Variants in HORMAD2 observed in about 807,000 individuals in gnomAD.
HORMAD2 encodes HORMA domain-containing protein 2.
HORMAD2 carries 45 observed loss-of-function variants against 38.8 expected under a neutral mutation model. That is an observed-to-expected ratio of 1.16 (90% CI 0.91 to 1.49). The LOEUF (loss-of-function observed/expected upper bound fraction) is 1.49, where lower values mean the gene tolerates loss of function less well. Among genes scored for constraint, HORMAD2 ranks in the 40% most tolerant of loss-of-function variants. HORMAD2 has a pLI of 0.00. For missense variants in HORMAD2, 338 were observed against 367.0 expected, an observed-to-expected ratio of 0.92 and a Z score of 0.65; for synonymous variants, 126 against 122.8, an observed-to-expected ratio of 1.03 and a Z score of -0.17.
At chr22:30,080,296 C>G (rs1268607953), upstream of HORMAD2, 1 of 152,414 alleles carries the variant, frequency 6.6e-6, no homozygotes, top group Non-Finnish European at 1.5e-5. Context: ...AGCCGCCGTT[C>G]GCCCCTGCTT....
At chr22:30,186,508 C>T in the HORMAD2 span, among the ~76,000 whole-genome samples, 2 of 152,084 alleles carry the variant, frequency 1.3e-5, no homozygotes, top group Non-Finnish European at 1.5e-5. Context: ...TTCTCACTTT[C>T]CACAATATTA....
intron 10 of HORMAD2, among the ~76,000 whole-genome samples, chr22:30,156,703 A>G (rs1925097647): frequency 6.6e-6 from 1 of 152,242 alleles, no homozygotes; most frequent in African/African-American, 2.4e-5. Context: ...TTTGCAAGGC[A>G]ATATCTACAT....
intron 7 of HORMAD2, among the ~76,000 whole-genome samples, chr22:30,112,801 A>G (rs955788827): frequency 6.6e-6 from 1 of 152,144 alleles, no homozygotes; most frequent in Non-Finnish European, 1.5e-5. Context: ...ATAAATGTAT[A>G]AAACCACATT....
chr22:30,159,648 A>T (rs1925321095), intron 10 of HORMAD2, among the ~76,000 whole-genome samples: 1 of 152,174 alleles, frequency 6.6e-6, no homozygotes, highest in African/African-American at 2.4e-5. Context: ...AATTCCAGGG[A>T]TACCTAAAAC....
At chr22:30,201,030 G>A in the HORMAD2 span, among the ~76,000 whole-genome samples, 2 of 152,220 alleles carry the variant, frequency 1.3e-5, no homozygotes, top group Non-Finnish European at 1.5e-5. Flanking sequence ...GATTATAGGC[G>A]TGAGCCACCA....
chr22:30,096,320 G>A (rs1030791081), intron 2 of HORMAD2, among the ~76,000 whole-genome samples: 5 of 152,078 alleles, frequency 3.3e-5, no homozygotes, highest in African/African-American at 7.2e-5. Context: ...TAAGTCATAG[G>A]ATATGTGTAT....
At chr22:30,140,861 G>A (rs1321167428) in intron 10 of HORMAD2, among the ~76,000 whole-genome samples, 1 of 152,132 alleles carries the variant, frequency 6.6e-6, no homozygotes, top group Non-Finnish European at 1.5e-5. Context: ...AAGGTGGAAA[G>A]TTAGGTTATT....
intron 10 of HORMAD2, among the ~76,000 whole-genome samples, chr22:30,144,915 T>C (rs1924318483): frequency 6.6e-6 from 1 of 152,064 alleles, no homozygotes; most frequent in Non-Finnish European, 1.5e-5. Context: ...CCCATGAAGA[T>C]AGCCCTCAGA....
intron 2 of HORMAD2, among the ~76,000 whole-genome samples, chr22:30,096,310 T>C (rs1214147007): frequency 6.6e-6 from 1 of 152,174 alleles, no homozygotes; most frequent in African/African-American, 2.4e-5. Context: ...AAGTAAAATA[T>C]AAGTCATAGG....
At chr22:30,113,224 C>G (rs1244161648) in intron 7 of HORMAD2, among the ~76,000 whole-genome samples, 1 of 151,842 alleles carries the variant, frequency 6.6e-6, no homozygotes, top group East Asian at 1.9e-4. Context: ...TCTCCTCAAC[C>G]AGATTGTGAA....
chr22:30,112,564 A>G (rs368470756), intron 7 of HORMAD2, 42 bp downstream of exon 7: 11 of 890,792 alleles, frequency 1.2e-5, no homozygotes, highest in Non-Finnish European at 1.8e-5. Context: ...GTATATGTAT[A>G]TTATATTTTA....
rs111638082 is a variant in HORMAD2, at chr22:30,129,589, C to A, written c.819+7375C>A. On this transcript the variant is annotated intron_variant, in intron 10 of 10. Coordinates refer to ENST00000336726, the MANE Select transcript of HORMAD2 (RefSeq NM_152510.4). ...GTGAATTTGTAACAGGGACAGAATT[C>A]AAACCCAGGCAATTGAACTCCAAAG... 5.5e-3 allele frequency among the ~76,000 whole-genome samples: 838 copies of A among 152,158 alleles called. 8 individuals are homozygous for A. The highest frequency in any genetic ancestry group is 0.019 in the African/African-American group (785 of 41,512).
intron 10 of HORMAD2, chr22:30,137,829 T>G (rs572870156): frequency 6.6e-6 from 1 of 152,262 alleles, no homozygotes; most frequent in Non-Finnish European, 1.5e-5. Flanking sequence ...GTGATGGGCA[T>G]TTGGGTTCTT....
At chr22:30,151,407 A>G (rs73883375) in intron 10 of HORMAD2, among the ~76,000 whole-genome samples, 11,851 of 152,282 alleles carry the variant, frequency 0.078, 534 homozygotes, top group African/African-American at 0.091. Flanking sequence ...CAAGCAATGC[A>G]GTTTTCTTTA....
chr22:30,195,007 A>G, the HORMAD2 span, among the ~76,000 whole-genome samples: 1 of 152,070 alleles, frequency 6.6e-6, no homozygotes, highest in East Asian at 1.9e-4. Context: ...CCTGGCTAAC[A>G]CAGCGAAACC....
intron 10 of HORMAD2, among the ~76,000 whole-genome samples, chr22:30,125,216 C>CTTTTT (rs1167990121): frequency 0.016 from 680 of 43,526 alleles, 17 homozygotes; most frequent in Middle Eastern, 0.033. Flanking sequence ...TTTTTCTTTT[C>CTTTTT]TTTTTTTTTT....
intron 10 of HORMAD2, among the ~76,000 whole-genome samples, chr22:30,139,955 C>CTGTG (rs36099958): frequency 0.099 from 14,912 of 150,196 alleles, 1,295 homozygotes; most frequent in South Asian, 0.23. Context: ...GTACGTGTAT[C>CTGTG]TGTGTGTGTG....
chr22:30,172,259 T>C (rs147865974), intron 10 of HORMAD2, among the ~76,000 whole-genome samples: 13 of 152,326 alleles, frequency 8.5e-5, no homozygotes, highest in Non-Finnish European at 1.6e-4. Flanking sequence ...CAGGAATTTT[T>C]ATCTCTTTTG....
At chr22:30,094,119 C>A in intron 2 of HORMAD2, 116 bp downstream of exon 2, 2 of 700,586 alleles carry the variant, frequency 2.9e-6, no homozygotes, top group South Asian at 2.1e-5. Flanking sequence ...TTAATTGGCA[C>A]ATAATATTCT....
Sources: allele counts gnomAD v4.1 joint callset (sites outside exome capture counted in the v4.1 genomes callset), GRCh38; gene constraint gnomAD v4.1.1; transcripts MANE v1.5; gene names NCBI Gene and HGNC (gene_info 2026-07-23, HGNC 2026-07-21).